Variants in AKT3 observed in about 807,000 individuals in gnomAD.
AKT3 encodes the protein RAC-gamma serine/threonine-protein kinase.
AKT3 carries 15 observed loss-of-function variants against 65.3 expected under a neutral mutation model. The observed-to-expected ratio is 0.23, with a 90% CI of 0.15 to 0.35. The LOEUF is 0.35. Among genes scored for constraint, AKT3 ranks in the 10% least tolerant of loss-of-function variants. AKT3 has a pLI of 1.00. For synonymous variants in AKT3, 206 were observed against 183.8 expected (o/e 1.12, Z -0.98); for missense variants, 243 against 576.5 (o/e 0.42, Z 5.92).
At chr1:243,565,907 A>C (rs1001282358) in intron 9 of AKT3, among the ~76,000 whole-genome samples, 2 of 152,214 alleles carry the variant, frequency 1.3e-5, no homozygotes, top group Admixed American at 6.5e-5. Flanking sequence ...ATCTTTAGTG[A>C]ATACTCTTTT....
rs1695251756 is a variant in AKT3, at chr1:243,841,703, T to C, written c.46+1422A>G. ...ATTACCCAAGACAAATGAAAACACA[T>C]TACACAAAGACATGCACTCTAATGT... On this transcript the variant is annotated intron_variant, in intron 2 of 13. Coordinates refer to ENST00000673466, the MANE Select transcript of AKT3 (RefSeq NM_005465.7). 2.0e-5 allele frequency among the ~76,000 whole-genome samples: 3 copies of C among 152,076 alleles called. No homozygotes were observed. In the South Asian group the frequency reaches 6.2e-4, roughly 31 times the overall value.
chr1:243,659,103 A>G (rs1396011145), intron 4 of AKT3, among the ~76,000 whole-genome samples: 1 of 152,148 alleles, frequency 6.6e-6, no homozygotes, highest in Non-Finnish European at 1.5e-5. Flanking sequence ...AAAGAAGAAA[A>G]TCCTCTAATA....
At chr1:243,812,450 A>G (rs1392899603) in intron 2 of AKT3, among the ~76,000 whole-genome samples, 1 of 152,234 alleles carries the variant, frequency 6.6e-6, no homozygotes, top group Non-Finnish European at 1.5e-5. Context: ...CATCAGAGAA[A>G]TGCAAATCAA....
At chr1:243,661,566 A>G (rs1380746922) in intron 4 of AKT3, among the ~76,000 whole-genome samples, 2 of 151,276 alleles carry the variant, frequency 1.3e-5, no homozygotes, top group African/African-American at 2.4e-5. Flanking sequence ...AAGATGGATT[A>G]AAGACTTAAA....
rs1695356135 is a variant in AKT3, at chr1:243,843,241, T to TCTG, written c.-74_-72dup. On this transcript the variant is annotated 5_prime_UTR_variant, in exon 2 of 14. Coordinates refer to ENST00000673466, the MANE Select transcript of AKT3 (RefSeq NM_005465.7). ...GATATCAGCTTTAGGGTTTGGATTC[T>TCTG]CTGCTGCTGCTGCCCTTCCCACTCT... 4 of 1,562,652 alleles carry TCTG rather than the reference T, an allele frequency of 2.6e-6. No individual in the cohort carries two copies. The highest frequency in any genetic ancestry group is 3.5e-6 in the Non-Finnish European group (4 of 1,149,298).
chr1:243,850,362 G>A (rs1695726779), upstream of AKT3, among the ~76,000 whole-genome samples: 1 of 151,408 alleles, frequency 6.6e-6, no homozygotes, highest in Non-Finnish European at 1.5e-5. Context: ...GGGAGAGGAG[G>A]AGGCGGAGAC....
chr1:243,639,867 T>G (rs941234323), intron 5 of AKT3, among the ~76,000 whole-genome samples: 4 of 152,218 alleles, frequency 2.6e-5, no homozygotes, highest in African/African-American at 9.7e-5. Context: ...GCTCTTGAAT[T>G]CCTTCTTGTG....
chr1:243,542,833 T>C (rs971846178), intron 12 of AKT3, among the ~76,000 whole-genome samples: 25 of 152,096 alleles, frequency 1.6e-4, no homozygotes, highest in Admixed American at 6.6e-5. Context: ...GAAACTCAAA[T>C]TTAAAAGTGC....
At chr1:243,796,978 A>C (rs1221895721) in intron 2 of AKT3, among the ~76,000 whole-genome samples, 1 of 152,148 alleles carries the variant, frequency 6.6e-6, no homozygotes. Context: ...GGAGAGAGAA[A>C]ATAAAAAATT....
At chr1:243,620,825 T>C (rs985197821) in intron 6 of AKT3, among the ~76,000 whole-genome samples, 7 of 152,164 alleles carry the variant, frequency 4.6e-5, no homozygotes, top group African/African-American at 1.7e-4. Context: ...ATTCCTTAGA[T>C]GAAGGCCAAA....
intron 12 of AKT3, among the ~76,000 whole-genome samples, chr1:243,542,057 T>A (rs1342896114): frequency 2.0e-5 from 3 of 152,098 alleles, no homozygotes; most frequent in African/African-American, 7.2e-5. Flanking sequence ...AATGGAGAAA[T>A]AAATTGCATT....
chr1:243,694,405 A>G (rs1323074959), intron 3 of AKT3, among the ~76,000 whole-genome samples: 1 of 152,144 alleles, frequency 6.6e-6, no homozygotes, highest in African/African-American at 2.4e-5. Flanking sequence ...AAAGAAAACC[A>G]TTATTATCTA....
At chr1:243,783,681 T>C (rs1298512852) in intron 2 of AKT3, among the ~76,000 whole-genome samples, 1 of 152,220 alleles carries the variant, frequency 6.6e-6, no homozygotes, top group Admixed American at 6.5e-5. Context: ...TAGTGCTCAC[T>C]TTATTCTTCT....
chr1:243,829,781 A>G (rs1353419091), intron 2 of AKT3, among the ~76,000 whole-genome samples: 1 of 152,238 alleles, frequency 6.6e-6, no homozygotes, highest in African/African-American at 2.4e-5. Context: ...CATCTGGACA[A>G]TAAACTGACT....
At chr1:243,814,214 A>C (rs1451338917) in intron 2 of AKT3, among the ~76,000 whole-genome samples, 1 of 152,210 alleles carries the variant, frequency 6.6e-6, no homozygotes, top group Admixed American at 6.5e-5. Context: ...TAAAAAGTTA[A>C]AAGGGAAAGT....
chr1:243,651,627 C>T (rs549137667), intron 4 of AKT3, among the ~76,000 whole-genome samples: 1 of 152,232 alleles, frequency 6.6e-6, no homozygotes, highest in South Asian at 2.1e-4. Flanking sequence ...TTGTTGAAAG[C>T]CTTTTCTGCA....
chr1:243,508,362 C>T (rs1669802132), intron 13 of AKT3, among the ~76,000 whole-genome samples: 1 of 152,248 alleles, frequency 6.6e-6, no homozygotes, highest in African/African-American at 2.4e-5. Context: ...GAGCGCTGCG[C>T]TCTGCTGAGC....
At chr1:243,554,802 A>G (rs1298712452) in intron 10 of AKT3, among the ~76,000 whole-genome samples, 5 of 152,066 alleles carry the variant, frequency 3.3e-5, no homozygotes, top group African/African-American at 1.2e-4. Context: ...TCATAAAACC[A>G]TAAAAAGCAT....
chr1:243,579,022 A>G (rs1003669404), intron 8 of AKT3, among the ~76,000 whole-genome samples: 6 of 152,228 alleles, frequency 3.9e-5, no homozygotes, highest in African/African-American at 1.4e-4. Flanking sequence ...TCTGAGGGAC[A>G]TCAGCTAAGG....
Sources: gnomAD v4.1 joint callset for allele counts (sites outside exome capture counted in the v4.1 genomes callset) on GRCh38, gnomAD v4.1.1 for gene constraint, MANE v1.5 for transcripts, NCBI Gene and HGNC (gene_info 2026-07-23, HGNC 2026-07-21) for gene names.